The following GOLGA3 variants were observed in gnomAD, a reference collection of about 807,000 sequenced individuals.
The protein encoded by GOLGA3 is golgin subfamily A member 3.
Under a neutral mutation model 169.4 loss-of-function variants are expected in GOLGA3, and 75 were observed. That is an observed-to-expected ratio of 0.44 (90% CI 0.37 to 0.54). The LOEUF (loss-of-function observed/expected upper bound fraction) is 0.54, where lower values mean the gene tolerates loss of function less well. GOLGA3 is among the 20% of genes least tolerant of loss of function. GOLGA3 has a pLI of 0.00. For missense variants in GOLGA3, 1,899 were observed against 1,930.0 expected (o/e 0.98, Z 0.30); for synonymous variants, 824 against 822.4 (o/e 1.00, Z -0.03).
Position 132,816,964 on chromosome 12 carries a change from C to T in GOLGA3, c.134-152G>A, listed in dbSNP as rs145345835. On this transcript the variant is annotated intron_variant, in intron 2 of 23. Transcript: ENST00000450791. ...AAAGGCTTCACTCTGAGAGGAGCAG[C>T]CCATGGGCCCCGTCCCACAGGCGGG... The T allele has an allele frequency of 1.9e-3, 1,424 of 760,814 alleles. 5 individuals are homozygous for T. The highest frequency in any genetic ancestry group is 0.018 in the African/African-American group (1,000 of 56,780). The allele number at this position is 760,814 out of a possible 1,614,324, so 47.1% of individuals were successfully genotyped here. A position where few individuals can be genotyped will look rare whatever the true frequency, so the allele number is the denominator to read the frequency against.
rs755009151 is a variant in GOLGA3, at chr12:132,816,564, G to A, written c.382C>T (p.Leu128Phe). The change falls in exon 3 of 24, where the codon CTT becomes TTT. Residue 128 changes from leucine (L) to phenylalanine (F), a missense_variant. Physicochemically the swap from Leu to Phe is conservative, Grantham distance 22. Coordinates refer to ENST00000450791, the MANE Select transcript of GOLGA3 (RefSeq NM_001389683.1). ...CACAGTTGCGTTTCTTGCATAGGAA[G>A]ACTGAGTCTGAGAGACTGCAAAGCT... ...KEALQSLRLS[L>F]PMQETQLCST... 47 of 1,613,570 alleles carry A rather than the reference G, an allele frequency of 2.9e-5. No homozygotes were observed. Among genetic ancestry groups the A allele is most frequent in the Non-Finnish European group, 4.0e-5 (47 of 1,179,722 alleles).
chr12:132,828,877 G>C (rs1053747498), upstream of GOLGA3: 2 of 152,282 alleles, frequency 1.3e-5, no homozygotes, highest in African/African-American at 4.8e-5. Context: ...GAGGGGCGGG[G>C]CGAGCGGTGC....
chr12:132,809,639 T>G (rs1240032493), intron 4 of GOLGA3, among the ~76,000 whole-genome samples: 2 of 152,208 alleles, frequency 1.3e-5, no homozygotes, highest in Non-Finnish European at 2.9e-5. Context: ...TGGTCACACC[T>G]CACTATGTCC....
At chr12:132,791,670 G>A (rs537593496) in intron 11 of GOLGA3, among the ~76,000 whole-genome samples, 1 of 138,748 alleles carries the variant, frequency 7.2e-6, no homozygotes, top group African/African-American at 2.7e-5. Flanking sequence ...TCCAAGAGGG[G>A]GATGCATGTG....
Position 132,795,931 on chromosome 12 carries a change from C to G in GOLGA3, c.2390G>C (p.Arg797Thr). 6.2e-7 allele frequency: 1 copy of G among 1,614,184 alleles called. No individual in the cohort carries two copies. Among genetic ancestry groups the G allele is most frequent in the South Asian group, 1.1e-5 (1 of 91,090 alleles). The change falls in exon 11 of 24, where the codon AGA becomes ACA. Residue 797 changes from arginine to threonine, a missense_variant. Arg to Thr is a moderately conservative substitution (Grantham distance 71). Coordinates refer to ENST00000450791, the MANE Select transcript of GOLGA3 (RefSeq NM_001389683.1). ...TTCCTCGGTACCTTCTTCCAAGCGTCTTGCTCCTCTGTCAAGCTCCTCCTT... is the reference window on the plus strand; with the variant it reads ...TTCCTCGGTACCTTCTTCCAAGCGTGTTGCTCCTCTGTCAAGCTCCTCCTT... Reference protein sequence around the residue: ...SGKEELDRGARRLEEGTEETS... With the variant: ...SGKEELDRGATRLEEGTEETS...
At chr12:132,794,636 CAA>C (rs55825300) in intron 11 of GOLGA3, among the ~76,000 whole-genome samples, 15,773 of 152,238 alleles carry the variant, frequency 0.1, 1,089 homozygotes, top group South Asian at 0.16. Flanking sequence ...TATAGCTCCA[CAA>C]AAGTCTCTCT....
chr12:132,786,567 T>G lies in GOLGA3; in HGVS notation c.2907-12A>C, dbSNP rs1309273164. ...GTTCCGTGATGGCCCTGGGGTGTCA[T>G]GAGGGAGACACAGGAGGAAGCTGAA... is the stretch of plus-strand genomic sequence containing the variant. On this transcript the variant is annotated splice_polypyrimidine_tract_variant and intron_variant, in intron 14 of 23. Coordinates refer to ENST00000450791, the MANE Select transcript of GOLGA3 (RefSeq NM_001389683.1). 6.2e-7 allele frequency: 1 copy of G among 1,612,338 alleles called. No individual in the cohort carries two copies.
At chr12:132,784,056 G>A (rs765178332) in intron 16 of GOLGA3, 108 bp downstream of exon 16, 43 of 1,553,508 alleles carry the variant, frequency 2.8e-5, no homozygotes, top group Non-Finnish European at 3.5e-5. Context: ...AAGTAGCAAC[G>A]CTGGGCACAC....
rs771653212 is a variant in GOLGA3, at chr12:132,776,945, C to T, written c.3855+13G>A. 2.2e-5 allele frequency: 35 copies of T among 1,570,484 alleles called. No individual in the cohort carries two copies. Among genetic ancestry groups the T allele is most frequent in the South Asian group, 8.4e-5 (7 of 83,430 alleles). On this transcript the variant is annotated intron_variant, in intron 20 of 23. Transcript: ENST00000450791. ...AGTCCAGCCCTGCAAGTCCAGCCCC[C>T]GTGAACCGTCACCTCTTGGTTTCCC...
chr12:132,773,944 G>A (rs990859208), intron 23 of GOLGA3, among the ~76,000 whole-genome samples: 6 of 143,638 alleles, frequency 4.2e-5, no homozygotes, highest in African/African-American at 7.9e-5. Context: ...CTCAGAGGCT[G>A]AGTCCTTCCC....
At chr12:132,827,998 CTA>C (rs1250650901) in intron 1 of GOLGA3, 1 of 152,250 alleles carries the variant, frequency 6.6e-6, no homozygotes, top group Non-Finnish European at 1.5e-5. Flanking sequence ...CAGCACCTGC[CTA>C]CACCAACATC....
rs1453858105 is a variant in GOLGA3 at position 132,772,635 on chromosome 12, A to C, written c.*470T>G. Reference sequence around the variant, plus strand: ...GGTGGGATGGCTATCCAAAAAAACAAGTAAAAAGCCAAAGGTACAGATAAA... The same window carrying C: ...GGTGGGATGGCTATCCAAAAAAACACGTAAAAAGCCAAAGGTACAGATAAA... On this transcript the variant is annotated 3_prime_UTR_variant, in exon 24 of 24. Coordinates refer to ENST00000450791, the MANE Select transcript of GOLGA3 (RefSeq NM_001389683.1). The C allele has an allele frequency of 6.5e-6, 1 of 153,432 alleles. No homozygotes were observed. Among genetic ancestry groups the C allele is most frequent in the Non-Finnish European group, 1.5e-5 (1 of 68,928 alleles). The allele number at this position is 153,432 out of a possible 1,614,324, so 9.5% of individuals were successfully genotyped here.
Position 132,822,052 on chromosome 12 carries a change from G to A in GOLGA3, c.77C>T (p.Ala26Val), listed in dbSNP as rs141852501. The A allele has an allele frequency of 3.4e-4, 541 of 1,606,860 alleles. 4 individuals are homozygous for A. In the African/African-American group the frequency reaches 6.4e-3, roughly 19 times the overall value. The part of the protein sequence containing the change: ...SHSGPSSLPE[A>V]PLKPPGPLVP... ...CAGTGGGCCCGGGGGCTTCAGTGGG[G>A]CCTCGGGGAGAGACGAGGGGCCACT... Residue 26 changes from alanine to valine, a missense_variant, in exon 2 of 24, where the codon GCC becomes GTC. Coordinates refer to ENST00000450791, the MANE Select transcript of GOLGA3 (RefSeq NM_001389683.1).
chr12:132,825,351 G>C (rs1301256367), intron 1 of GOLGA3, among the ~76,000 whole-genome samples: 1 of 152,130 alleles, frequency 6.6e-6, no homozygotes, highest in Admixed American at 6.5e-5. Flanking sequence ...CGTCATGTCT[G>C]CCATTGCGTG....
At chr12:132,779,158 A>C (rs60788945) in intron 18 of GOLGA3, among the ~76,000 whole-genome samples, 1 of 151,986 alleles carries the variant, frequency 6.6e-6, no homozygotes, top group Non-Finnish European at 1.5e-5. Context: ...TTGGCTCACC[A>C]CAACCTCCGC....
At chr12:132,812,192 T>TACACACACACAC (rs140337948) in intron 4 of GOLGA3, among the ~76,000 whole-genome samples, 9,722 of 134,848 alleles carry the variant, frequency 0.072, 545 homozygotes, top group Non-Finnish European at 0.1. Flanking sequence ...TGTCTCAAAA[T>TACACACACACAC]ACACACACAC....
chr12:132,779,738 C>T (rs556286289), intron 18 of GOLGA3, among the ~76,000 whole-genome samples: 66 of 148,264 alleles, frequency 4.5e-4, no homozygotes, highest in African/African-American at 1.2e-3. Context: ...CAGGCACACA[C>T]GTGCGCACAC....
intron 12 of GOLGA3, 67 bp downstream of exon 12, chr12:132,791,149 A>C: frequency 3.8e-6 from 3 of 794,380 alleles, no homozygotes; most frequent in Non-Finnish European, 6.5e-6. Flanking sequence ...ATTGCTAAGC[A>C]ATTAAACCAC....
At chr12:132,784,661 TACAC>T (rs1242169304) in intron 15 of GOLGA3, among the ~76,000 whole-genome samples, 7 of 151,820 alleles carry the variant, frequency 4.6e-5, no homozygotes, top group South Asian at 2.1e-4. Flanking sequence ...ACACATCACA[TACAC>T]ACACTCATGT....
Sources: allele counts gnomAD v4.1 joint callset (sites outside exome capture counted in the v4.1 genomes callset), GRCh38; gene constraint gnomAD v4.1.1; transcripts MANE v1.5; gene names NCBI Gene and HGNC (gene_info 2026-07-23, HGNC 2026-07-21).